The following MICAL2 variants were observed in gnomAD, a reference collection of about 807,000 sequenced individuals.
MICAL2 encodes the protein microtubule associated monooxygenase, calponin and LIM domain containing 2, also known as [F-actin]-monooxygenase MICAL2.
In MICAL2, 77 loss-of-function variants were observed where a neutral mutation model predicts 127.3. The ratio of observed to expected loss-of-function variants is 0.60; its 90% CI spans 0.50 to 0.73. The LOEUF (loss-of-function observed/expected upper bound fraction) is 0.73, where lower values mean the gene tolerates loss of function less well. MICAL2 is among the 30% of genes least tolerant of loss of function. The probability of loss-of-function intolerance (pLI) is 0.00; values close to 1 mark genes in which losing one functional copy is unlikely to be tolerated. For synonymous variants in MICAL2, 570 were observed against 551.1 expected (o/e 1.03, Z -0.48); for missense variants, 1,351 against 1,434.4 (o/e 0.94, Z 0.94).
chr11:12,168,131 G>A (rs1855739439), intron 3 of MICAL2, among the ~76,000 whole-genome samples: 1 of 120,210 alleles, frequency 8.3e-6, no homozygotes, highest in South Asian at 2.7e-4. Flanking sequence ...GTGAGACCTG[G>A]TCTCTACAGC....
At chr11:12,201,972 A>T (rs1046716030) in intron 3 of MICAL2, among the ~76,000 whole-genome samples, 1 of 152,184 alleles carries the variant, frequency 6.6e-6, no homozygotes, top group Admixed American at 6.5e-5. Flanking sequence ...TACAAAAAAA[A>T]TTAGCCAGGC....
chr11:12,314,406 T>A (rs1864208631), intron 29 of MICAL2, among the ~76,000 whole-genome samples: 1 of 152,154 alleles, frequency 6.6e-6, no homozygotes, highest in African/African-American at 2.4e-5. Context: ...ATAATGTTAA[T>A]TGATAACTAA....
At position 12,351,623 on chromosome 11, in the gene MICAL2, G is replaced by A. The variant is rs1198280184; in HGVS notation, c.5615+1686G>A. 2.6e-5 allele frequency among the ~76,000 whole-genome samples: 4 copies of A among 152,234 alleles called. No individual in the cohort carries two copies. The East Asian group carries it at 7.7e-4, about 29-fold the overall frequency. On this transcript the variant is annotated intron_variant, in intron 33 of 34. Coordinates refer to the MICAL2 transcript ENST00000646065. ...AAAGAGAGGAGTGAGTTGAGCTCAC[G>A]TAGTCTATTTTTCCCAAATTTACCT... is the stretch of plus-strand genomic sequence containing the variant.
At chr11:12,222,931 A>C (rs1856995734) in intron 11 of MICAL2, among the ~76,000 whole-genome samples, 188 bp downstream of exon 11, 1 of 152,218 alleles carries the variant, frequency 6.6e-6, no homozygotes, top group Non-Finnish European at 1.5e-5. Context: ...GCAGGACAGA[A>C]CTAGAACACA....
chr11:12,319,450 T>TTC (rs11418971), intron 29 of MICAL2, among the ~76,000 whole-genome samples: 1 of 151,070 alleles, frequency 6.6e-6, no homozygotes, highest in African/African-American at 2.4e-5. Flanking sequence ...GTTTTTTCTT[T>TTC]TTTTTTTTTA....
rs780486165 is a variant in MICAL2, at chr11:12,221,761, T to C, written c.1322+2T>C. On this transcript the variant is annotated splice_donor_variant, in intron 10 of 27. Transcript: ENST00000683283. LOFTEE classifies it high-confidence loss of function. Reference sequence around the variant, plus strand: ...TCCCCTGGAGCTGCTGGCTGAAAGGTGAGCTTTGACAGTAGGGCTCCTAAC... The same window carrying C: ...TCCCCTGGAGCTGCTGGCTGAAAGGCGAGCTTTGACAGTAGGGCTCCTAAC... 2 of 1,611,920 alleles carry C rather than the reference T, an allele frequency of 1.2e-6. No homozygotes were observed. Among genetic ancestry groups the C allele is most frequent in the South Asian group, 2.2e-5 (2 of 90,962 alleles).
At chr11:12,157,623 C>T (rs1219060709) in intron 2 of MICAL2, among the ~76,000 whole-genome samples, 1 of 152,072 alleles carries the variant, frequency 6.6e-6, no homozygotes, top group African/African-American at 2.4e-5. Context: ...GCATATCAAA[C>T]CTCAAAAGGG....
intron 21 of MICAL2, among the ~76,000 whole-genome samples, chr11:12,246,581 T>C (rs999713972): frequency 7.2e-5 from 11 of 152,226 alleles, no homozygotes; most frequent in Admixed American, 3.3e-4. Flanking sequence ...TGTGTGAACA[T>C]TCATTCCTTC....
intron 18 of MICAL2, among the ~76,000 whole-genome samples, chr11:12,241,459 A>G (rs905798825): frequency 1.3e-5 from 2 of 152,234 alleles, no homozygotes; most frequent in African/African-American, 4.8e-5. Flanking sequence ...GCCCTATAAC[A>G]CTAAGCATTA....
At chr11:12,169,140 C>A (rs1855930003) in intron 3 of MICAL2, among the ~76,000 whole-genome samples, 2 of 151,896 alleles carry the variant, frequency 1.3e-5, no homozygotes, top group Admixed American at 6.6e-5. Context: ...CTTTTGTGAC[C>A]TTCCTGAAAA....
intron 27 of MICAL2, chr11:12,263,053 C>T (rs1390513066): frequency 1.9e-5 from 3 of 156,086 alleles, no homozygotes; most frequent in Non-Finnish European, 4.3e-5. Context: ...TCTCAGGCCT[C>T]ATCCCAAGCT....
At chr11:12,289,244 A>G (rs1339095539), downstream of MICAL2, among the ~76,000 whole-genome samples, 2 of 152,156 alleles carry the variant, frequency 1.3e-5, no homozygotes, top group African/African-American at 2.4e-5. Context: ...GCACAAAACA[A>G]CCCTAAGGGC....
chr11:12,309,115 A>C (rs1171307947), intron 29 of MICAL2, among the ~76,000 whole-genome samples: 1 of 152,146 alleles, frequency 6.6e-6, no homozygotes, highest in Non-Finnish European at 1.5e-5. Context: ...GCATATATGT[A>C]ATGTGTCATG....
Position 12,204,329 on chromosome 11 carries a change from TGGA to T in MICAL2, c.346_348del (p.Glu116del). 6.2e-7 allele frequency: 1 copy of T among 1,614,142 alleles called. No homozygotes were observed. Among genetic ancestry groups the T allele is most frequent in the Non-Finnish European group, 8.5e-7 (1 of 1,180,002 alleles). On this transcript the variant is annotated inframe_deletion, in exon 4 of 28. Coordinates refer to ENST00000683283, the MANE Select transcript of MICAL2 (RefSeq NM_001282663.2). ...TACCTGGGAGCCAAAGTGGTCGTGG[TGGA>T]GAAGAGGGACTCCTTCTCCCGGAAC...
chr11:12,310,852 A>G (rs1286694174), intron 29 of MICAL2, among the ~76,000 whole-genome samples: 1 of 151,672 alleles, frequency 6.6e-6, no homozygotes, highest in African/African-American at 2.4e-5. Context: ...TTCTTTCATC[A>G]TTGTTTTATA....
chr11:12,157,900 A>G (rs373257176), intron 2 of MICAL2, among the ~76,000 whole-genome samples: 17 of 152,310 alleles, frequency 1.1e-4, no homozygotes, highest in African/African-American at 3.8e-4. Flanking sequence ...ACTACTTTCT[A>G]TGAGGTTCCC....
chr11:12,240,906 C>T, intron 17 of MICAL2, 134 bp from the exon 18 acceptor site: 1 of 1,178,596 alleles, frequency 8.5e-7, no homozygotes, highest in Non-Finnish European at 1.2e-6. Context: ...GAGCTCAGCC[C>T]AGTGCTTCCT....
At chr11:12,214,681 A>T (rs1467603033) in intron 7 of MICAL2, among the ~76,000 whole-genome samples, 3 of 152,228 alleles carry the variant, frequency 2.0e-5, no homozygotes, top group Non-Finnish European at 4.4e-5. Flanking sequence ...TAAAATTCAA[A>T]TTTCAGCATC....
At chr11:12,209,729 C>A in intron 6 of MICAL2, 131 bp downstream of exon 6, 1 of 772,318 alleles carries the variant, frequency 1.3e-6, no homozygotes, top group Non-Finnish European at 2.2e-6. Context: ...GAGGGCAGAC[C>A]ATCCTGTCCC....
Sources: gnomAD v4.1 joint callset for allele counts (sites outside exome capture counted in the v4.1 genomes callset) on GRCh38, gnomAD v4.1.1 for gene constraint, MANE v1.5 for transcripts, NCBI Gene and HGNC (gene_info 2026-07-23, HGNC 2026-07-21) for gene names.